Variants in PCDH9 observed in about 807,000 individuals in gnomAD.
The protein encoded by PCDH9 is protocadherin-9.
PCDH9 carries 24 observed loss-of-function variants against 70.6 expected under a neutral mutation model. The observed-to-expected ratio is 0.34, with a 90% confidence interval of 0.25 to 0.48. The LOEUF (loss-of-function observed/expected upper bound fraction) is 0.48. Ranked by LOEUF, PCDH9 falls within the 20% of genes least tolerant of loss-of-function variation. The pLI, the probability that PCDH9 is intolerant of heterozygous loss-of-function variation, is 0.99. For missense variants in PCDH9, 1,281 were observed against 1,503.6 expected, an observed-to-expected ratio of 0.85 and a Z score of 2.45; for synonymous variants, 562 against 558.5, an observed-to-expected ratio of 1.01 and a Z score of -0.09.
At chr13:67,187,418 G>A (rs1284227336) in intron 2 of PCDH9, among the ~76,000 whole-genome samples, 1 of 152,152 alleles carries the variant, frequency 6.6e-6, no homozygotes. Flanking sequence ...TATAACCTGA[G>A]AGGATTAGCT....
chr13:66,755,915 G>T (rs1347986544), intron 3 of PCDH9, among the ~76,000 whole-genome samples: 2 of 152,192 alleles, frequency 1.3e-5, no homozygotes, highest in African/African-American at 4.8e-5. Context: ...GGAGGCCTCT[G>T]CAGTTGAGTG....
intron 2 of PCDH9, among the ~76,000 whole-genome samples, chr13:66,931,432 T>A (rs1029946600): frequency 1.3e-5 from 2 of 151,882 alleles, no homozygotes; most frequent in African/African-American, 4.8e-5. Context: ...GGTTGAGGAG[T>A]CTCCAAAAAA....
At chr13:66,685,990 G>A (rs1158342718) in intron 3 of PCDH9, among the ~76,000 whole-genome samples, 1 of 152,090 alleles carries the variant, frequency 6.6e-6, no homozygotes, top group East Asian at 1.9e-4. Flanking sequence ...ATTAGACCTT[G>A]GACTTGGACT....
chr13:66,922,415 G>C (rs2082651275), intron 2 of PCDH9, among the ~76,000 whole-genome samples: 2 of 151,290 alleles, frequency 1.3e-5, no homozygotes, highest in Non-Finnish European at 3.0e-5. Context: ...GACAACTGTA[G>C]TACACTTTGC....
intron 2 of PCDH9, among the ~76,000 whole-genome samples, chr13:66,925,186 A>T (rs2082697503): frequency 6.6e-6 from 1 of 151,894 alleles, no homozygotes; most frequent in African/African-American, 2.4e-5. Context: ...GGTGCCAGTG[A>T]CAGATGATTG....
At chr13:67,196,836 A>G (rs1229156614) in intron 2 of PCDH9, among the ~76,000 whole-genome samples, 1 of 152,058 alleles carries the variant, frequency 6.6e-6, no homozygotes, top group African/African-American at 2.4e-5. Flanking sequence ...CCAAGCTTTA[A>G]TTTTCACAGA....
At chr13:66,991,961 T>C (rs2084012221) in intron 2 of PCDH9, among the ~76,000 whole-genome samples, 1 of 152,170 alleles carries the variant, frequency 6.6e-6, no homozygotes, top group Non-Finnish European at 1.5e-5. Context: ...TATGGGTTTT[T>C]TTTAAATTTA....
intron 3 of PCDH9, among the ~76,000 whole-genome samples, chr13:66,760,394 G>T (rs907703869): frequency 3.9e-5 from 6 of 152,152 alleles, no homozygotes; most frequent in Non-Finnish European, 8.8e-5. Flanking sequence ...ACCCCAAACA[G>T]AGGGACCGGC....
intron 3 of PCDH9, among the ~76,000 whole-genome samples, chr13:66,805,006 A>T (rs2080389014): frequency 6.6e-6 from 1 of 152,146 alleles, no homozygotes. Flanking sequence ...CAGGAGATCC[A>T]TGGAAGGGGT....
chr13:67,188,259 C>G (rs1447530713), intron 2 of PCDH9, among the ~76,000 whole-genome samples: 2 of 152,088 alleles, frequency 1.3e-5, no homozygotes, highest in African/African-American at 4.8e-5. Context: ...CAGTGCTATA[C>G]AAGTATTATT....
chr13:66,773,800 C>T (rs967206746), intron 3 of PCDH9, among the ~76,000 whole-genome samples: 8 of 149,490 alleles, frequency 5.4e-5, no homozygotes, highest in African/African-American at 9.9e-5. Flanking sequence ...TTTTTTTAGA[C>T]GGAGCTTCGC....
intron 2 of PCDH9, among the ~76,000 whole-genome samples, chr13:67,199,635 G>C (rs2138047348): frequency 6.6e-6 from 1 of 152,120 alleles, no homozygotes; most frequent in Non-Finnish European, 1.5e-5. Context: ...AGAACTGCTG[G>C]AAACCATTAA....
At chr13:66,842,433 T>C (rs915201764) in intron 3 of PCDH9, among the ~76,000 whole-genome samples, 4 of 152,168 alleles carry the variant, frequency 2.6e-5, no homozygotes, top group African/African-American at 9.7e-5. Context: ...TTGGCCCCTC[T>C]TCCTCTCTCG....
chr13:67,133,834 C>T (rs1288949780), intron 2 of PCDH9, among the ~76,000 whole-genome samples: 14 of 152,000 alleles, frequency 9.2e-5, no homozygotes, highest in East Asian at 5.8e-4. Context: ...TTAGAATGAG[C>T]GGCTGTTTCA....
At chr13:66,714,250 G>T (rs1046049753) in intron 3 of PCDH9, among the ~76,000 whole-genome samples, 2 of 152,080 alleles carry the variant, frequency 1.3e-5, no homozygotes, top group Non-Finnish European at 2.9e-5. Context: ...TGGATCACAA[G>T]TTCAGGAGAT....
intron 4 of PCDH9, among the ~76,000 whole-genome samples, chr13:66,320,954 C>A (rs576744623): frequency 8.2e-4 from 124 of 152,086 alleles, no homozygotes; most frequent in Non-Finnish European, 1.4e-3. Context: ...CTTTTCCTTT[C>A]GGAGTGTTTT....
At chr13:66,893,394 GC>G (rs1269408006) in intron 3 of PCDH9, among the ~76,000 whole-genome samples, 2 of 152,082 alleles carry the variant, frequency 1.3e-5, no homozygotes, top group Non-Finnish European at 2.9e-5. Flanking sequence ...TAGATTAGTG[GC>G]TAAGAGCACA....
intron 2 of PCDH9, among the ~76,000 whole-genome samples, chr13:66,973,737 A>G (rs932497743): frequency 1.3e-5 from 2 of 151,902 alleles, no homozygotes; most frequent in Admixed American, 6.6e-5. Context: ...TAACCTTTAC[A>G]TTTTCAATTT....
chr13:67,191,961 T>C (rs1309790920), intron 2 of PCDH9, among the ~76,000 whole-genome samples: 2 of 151,758 alleles, frequency 1.3e-5, no homozygotes, highest in Non-Finnish European at 2.9e-5. Flanking sequence ...AATCAACACA[T>C]TAAAATTAGC....
Sources: gnomAD v4.1 joint callset for allele counts (sites outside exome capture counted in the v4.1 genomes callset) on GRCh38, gnomAD v4.1.1 for gene constraint, MANE v1.5 for transcripts, NCBI Gene and HGNC (gene_info 2026-07-23, HGNC 2026-07-21) for gene names.